Variants in CHMP3 observed in about 807,000 individuals in gnomAD.
CHMP3 encodes the protein 25.1 protein.
CHMP3 carries 8 observed loss-of-function variants against 27.4 expected under a neutral mutation model. That is an observed-to-expected ratio of 0.29 (90% CI 0.17 to 0.53). The LOEUF is 0.53. Ranked by LOEUF, CHMP3 falls within the 20% of genes least tolerant of loss-of-function variation. The probability of loss-of-function intolerance (pLI) is 0.96; values close to 1 mark genes in which losing one functional copy is unlikely to be tolerated. For synonymous variants in CHMP3, 86 were observed against 85.5 expected (o/e 1.01, Z -0.03); for missense variants, 208 against 271.5 (o/e 0.77, Z 1.64).
chr2:86,527,383 G>C (rs899589697), intron 3 of CHMP3: 6 of 152,128 alleles, frequency 3.9e-5, no homozygotes, highest in Non-Finnish European at 8.8e-5. Context: ...GAGGGAAAAA[G>C]GCAAAATAAG....
intron 1 of CHMP3, among the ~76,000 whole-genome samples, chr2:86,553,198 T>C (rs927179328): frequency 2.0e-5 from 3 of 149,952 alleles, no homozygotes; most frequent in Non-Finnish European, 4.4e-5. Context: ...AACTTAAAAG[T>C]TGGAGGAAAA....
chr2:86,559,467 T>C (rs1387380470), intron 1 of CHMP3, among the ~76,000 whole-genome samples: 1 of 152,222 alleles, frequency 6.6e-6, no homozygotes, highest in Non-Finnish European at 1.5e-5. Context: ...TCCATCCTAT[T>C]GGTTCTACTT....
chr2:86,531,125 G>T (rs1328472906), intron 2 of CHMP3, among the ~76,000 whole-genome samples: 1 of 151,950 alleles, frequency 6.6e-6, no homozygotes, highest in Non-Finnish European at 1.5e-5. Context: ...TCTATGAGTT[G>T]CCTTTTCCTC....
Position 86,529,293 on chromosome 2 carries a change from T to C in CHMP3, c.211A>G (p.Arg71Gly). 4 of 1,613,902 alleles carry C rather than the reference T, an allele frequency of 2.5e-6. No homozygotes were observed. The highest frequency in any genetic ancestry group is 3.4e-6 in the Non-Finnish European group (4 of 1,179,926). The change falls in exon 3 of 6, where the codon AGG becomes GGG. Residue 71 changes from arginine (R) to glycine (G), a missense_variant. By Grantham distance (125) the Arg-to-Gly change is moderately radical. This residue lies in a region of CHMP3 where 94 missense variants were observed against 159.6 expected (regional missense o/e 0.59). Transcript: ENST00000263856. ...IVLAKEMIRS[R>G]KAVSKLYASK... ...GCATACAGCTTGCTCACAGCCTTCC[T>C]TGACCTGATCATCTCCTTGGCCAGA...
chr2:86,527,026 G>A (rs997800532), intron 3 of CHMP3: 1 of 151,970 alleles, frequency 6.6e-6, no homozygotes, highest in African/African-American at 2.4e-5. Flanking sequence ...AAACTGGGAA[G>A]GTGTATTAAA....
At chr2:86,541,962 T>C (rs575668881) in intron 2 of CHMP3, among the ~76,000 whole-genome samples, 1 of 152,312 alleles carries the variant, frequency 6.6e-6, no homozygotes, top group South Asian at 2.1e-4. Context: ...GACAATGAAA[T>C]TGTATTTCTT....
chr2:86,543,507 T>G (rs1676441117), intron 1 of CHMP3, among the ~76,000 whole-genome samples: 1 of 152,192 alleles, frequency 6.6e-6, no homozygotes, highest in Non-Finnish European at 1.5e-5. Flanking sequence ...AAAAAATACT[T>G]CCACAAGGAC....
intron 1 of CHMP3, among the ~76,000 whole-genome samples, chr2:86,549,896 G>A (rs1676829006): frequency 6.6e-6 from 1 of 151,524 alleles, no homozygotes; most frequent in African/African-American, 2.4e-5. Context: ...CTCCCAGACG[G>A]GGCGGCCGGG....
intron 2 of CHMP3, among the ~76,000 whole-genome samples, chr2:86,536,105 C>T (rs1354355083): frequency 6.8e-6 from 1 of 146,356 alleles, no homozygotes; most frequent in African/African-American, 2.5e-5. Context: ...ACGCCATTCT[C>T]CTGCCTCAGC....
intron 1 of CHMP3, among the ~76,000 whole-genome samples, chr2:86,554,127 C>A (rs1412338373): frequency 6.6e-6 from 1 of 152,174 alleles, no homozygotes; most frequent in Non-Finnish European, 1.5e-5. Flanking sequence ...CAAGAAGGCA[C>A]CATCTATGAA....
In CHMP3 at chr2:86,546,842, T is replaced by C. The variant is rs542558873; in HGVS notation, c.46-4530A>G. ...ATTTTTTAATTGAGTTGTCTGTTTGTTGGGTTGTATGAGTTCTTTTTACCT... is the reference window on the plus strand; with the variant it reads ...ATTTTTTAATTGAGTTGTCTGTTTGCTGGGTTGTATGAGTTCTTTTTACCT... On this transcript the variant is annotated intron_variant, in intron 1 of 5. Transcript: ENST00000263856. Among the ~76,000 whole-genome samples, 13 of 152,374 alleles carry C rather than the reference T, an allele frequency of 8.5e-5. No homozygotes were observed. In the South Asian group the frequency reaches 1.7e-3, roughly 19 times the overall value.
chr2:86,543,850 T>C (rs1438251865), intron 1 of CHMP3, among the ~76,000 whole-genome samples: 1 of 152,202 alleles, frequency 6.6e-6, no homozygotes, highest in Non-Finnish European at 1.5e-5. Flanking sequence ...TGTACTTTTT[T>C]TGGAAGTGAA....
rs1356328967 is a variant in CHMP3, at chr2:86,504,546, T to C, written c.*1258A>G. The C allele has an allele frequency of 6.9e-6, 1 of 145,022 alleles. No homozygotes were observed. Among genetic ancestry groups the C allele is most frequent in the Non-Finnish European group, 1.5e-5 (1 of 66,808 alleles). 9.0% of individuals were successfully genotyped at this position (145,022 alleles called of 1,614,324 possible). A position where few individuals can be genotyped will look rare whatever the true frequency, so the allele number is the denominator to read the frequency against. On this transcript the variant is annotated 3_prime_UTR_variant, in exon 6 of 6. Transcript: ENST00000263856. ...TTTTTTTGGAGAGACAGGATCTTGC[T>C]ATGTTGCCCAGGCTGGTCTTGAACT...
At chr2:86,559,132 G>A (rs1250596151) in intron 1 of CHMP3, among the ~76,000 whole-genome samples, 1 of 152,222 alleles carries the variant, frequency 6.6e-6, no homozygotes, top group East Asian at 1.9e-4. Context: ...CCCACCCAAT[G>A]TAAGTGGGCA....
In CHMP3 at chr2:86,509,672, A is replaced by G. The variant is rs373461725; in HGVS notation, c.408+686T>C. On this transcript the variant is annotated intron_variant, in intron 4 of 5. Transcript: ENST00000263856. ...TGATAAGGTCAGACTGCAGTGCCCC[A>G]ACTCTATATCTTCACTTACAACCAA... is the stretch of plus-strand genomic sequence containing the variant. Among the ~76,000 whole-genome samples, 6 of 152,266 alleles carry G rather than the reference A, an allele frequency of 3.9e-5. No homozygotes were observed. The South Asian group carries it at 6.2e-4, about 16-fold the overall frequency.
In CHMP3 at chr2:86,505,816, T is replaced by C. The variant is rs1272772306; in HGVS notation, c.657A>G (p.Thr219=). The change falls in exon 6 of 6, where the codon ACA becomes ACG. Residue 219 remains threonine (T), a synonymous_variant. Transcript: ENST00000263856. ...GGGTAGGCAGCCCCTAGCTGCGGAG[T>C]GTGGCCAGCCGGGACTGCATGGCCT... ...ALEAMQSRLA[T]LRS is the part of the protein sequence containing the mutation. 1.3e-6 allele frequency: 2 copies of C among 1,584,390 alleles called. No individual in the cohort carries two copies. The highest frequency in any genetic ancestry group is 2.3e-5 in the South Asian group (2 of 87,218).
At chr2:86,510,870 C>A (rs571088196) in intron 3 of CHMP3, 63 of 196,506 alleles carry the variant, frequency 3.2e-4, no homozygotes, top group African/African-American at 1.3e-3. Context: ...GCAGAGCTCC[C>A]CACACACCAG....
At chr2:86,548,898 A>C (rs1676735047) in intron 1 of CHMP3, among the ~76,000 whole-genome samples, 1 of 147,892 alleles carries the variant, frequency 6.8e-6, no homozygotes, top group African/African-American at 2.5e-5. Flanking sequence ...GCAGCCGGGC[A>C]GAGGTGCTCC....
chr2:86,517,882 G>A (rs909117151), intron 3 of CHMP3, among the ~76,000 whole-genome samples: 17 of 152,084 alleles, frequency 1.1e-4, no homozygotes, highest in Admixed American at 1.0e-3. Flanking sequence ...CTAGCTGGGT[G>A]AGGTGGCTCG....
Sources: allele counts gnomAD v4.1 joint callset (sites outside exome capture counted in the v4.1 genomes callset), GRCh38; gene constraint gnomAD v4.1.1; regional missense constraint gnomAD v4.1.1; transcripts MANE v1.5; gene names NCBI Gene and HGNC (gene_info 2026-07-23, HGNC 2026-07-21).